Variants in LSAMP observed in about 807,000 individuals in gnomAD.
The protein encoded by LSAMP is limbic system-associated membrane protein.
LSAMP carries 7 observed loss-of-function variants against 38.6 expected under a neutral mutation model. The observed-to-expected ratio is 0.18, with a 90% CI of 0.10 to 0.34. LSAMP has a LOEUF of 0.34. Among genes scored for constraint, LSAMP ranks in the 10% least tolerant of loss-of-function variants. LSAMP has a pLI of 1.00. For synonymous variants in LSAMP, 154 were observed against 166.8 expected, an observed-to-expected ratio of 0.92 and a Z score of 0.59; for missense variants, 313 against 420.0, an observed-to-expected ratio of 0.75 and a Z score of 2.23.
At chr3:116,416,090 A>G (rs2049046261) in intron 1 of LSAMP, among the ~76,000 whole-genome samples, 1 of 152,180 alleles carries the variant, frequency 6.6e-6, no homozygotes, top group Middle Eastern at 3.2e-3. Flanking sequence ...ATTTCCATAG[A>G]TGAAAACTTT....
intron 1 of LSAMP, among the ~76,000 whole-genome samples, chr3:116,209,008 G>T (rs146749090): frequency 6.6e-6 from 1 of 152,142 alleles, no homozygotes; most frequent in East Asian, 1.9e-4. Flanking sequence ...CCTCGCTGCC[G>T]CCTTGCAGTT....
At chr3:116,299,032 A>T (rs2047372113) in intron 1 of LSAMP, among the ~76,000 whole-genome samples, 1 of 152,262 alleles carries the variant, frequency 6.6e-6, no homozygotes, top group African/African-American at 2.4e-5. Flanking sequence ...AGCAGAAATG[A>T]TAGAGTAACA....
intron 3 of LSAMP, among the ~76,000 whole-genome samples, chr3:115,862,471 G>A (rs570897335): frequency 6.6e-4 from 100 of 152,268 alleles, no homozygotes; most frequent in African/African-American, 2.4e-3. Flanking sequence ...ACCTCATATA[G>A]GTTCACCCTA....
At chr3:116,236,658 AATT>A (rs2046468638) in intron 1 of LSAMP, among the ~76,000 whole-genome samples, 1 of 152,132 alleles carries the variant, frequency 6.6e-6, no homozygotes, top group Admixed American at 6.5e-5. Flanking sequence ...CAATTGAGCC[AATT>A]ATTGTACACT....
At chr3:116,069,313 G>C (rs1293371374) in intron 2 of LSAMP, among the ~76,000 whole-genome samples, 6 of 152,122 alleles carry the variant, frequency 3.9e-5, no homozygotes, top group Non-Finnish European at 7.3e-5. Context: ...TTCACAATTT[G>C]GGGGAAGACT....
intron 1 of LSAMP, among the ~76,000 whole-genome samples, chr3:116,167,473 G>C (rs1710088145): frequency 6.6e-6 from 1 of 152,168 alleles, no homozygotes; most frequent in South Asian, 2.1e-4. Context: ...AAATGAGAAA[G>C]GATACAGGAT....
chr3:116,072,770 T>G (rs1284123066), intron 2 of LSAMP, among the ~76,000 whole-genome samples: 1 of 148,480 alleles, frequency 6.7e-6, no homozygotes, highest in East Asian at 2.0e-4. Flanking sequence ...TTTTTTTTTT[T>G]GTAAAATTAA....
intron 1 of LSAMP, among the ~76,000 whole-genome samples, chr3:116,106,795 G>C (rs981468935): frequency 6.6e-6 from 1 of 152,146 alleles, no homozygotes; most frequent in Non-Finnish European, 1.5e-5. Flanking sequence ...AGGTATTTTA[G>C]TTTTTGTTAC....
chr3:115,967,188 G>T (rs771028279), intron 3 of LSAMP, among the ~76,000 whole-genome samples: 5 of 152,130 alleles, frequency 3.3e-5, no homozygotes, highest in Non-Finnish European at 5.9e-5. Context: ...TGAATGCTTT[G>T]CTGCTTAGAA....
chr3:116,095,232 C>T (rs75574968), intron 1 of LSAMP, among the ~76,000 whole-genome samples: 1 of 152,176 alleles, frequency 6.6e-6, no homozygotes, highest in Non-Finnish European at 1.5e-5. Context: ...CCACTTATTA[C>T]AATGATCATC....
chr3:115,945,754 A>G (rs1217183121), intron 3 of LSAMP, among the ~76,000 whole-genome samples: 1 of 152,188 alleles, frequency 6.6e-6, no homozygotes, highest in Non-Finnish European at 1.5e-5. Context: ...TTTAAAAAGA[A>G]GTTTCAATCT....
intron 1 of LSAMP, among the ~76,000 whole-genome samples, chr3:116,241,208 A>G (rs1490648033): frequency 7.0e-6 from 1 of 143,164 alleles, no homozygotes; most frequent in African/African-American, 2.6e-5. Flanking sequence ...AGATATTCCC[A>G]TTTTTTTTTT....
At chr3:116,242,649 C>T (rs1294485356) in intron 1 of LSAMP, among the ~76,000 whole-genome samples, 2 of 151,898 alleles carry the variant, frequency 1.3e-5, no homozygotes, top group Non-Finnish European at 2.9e-5. Context: ...TCTCTTCCTG[C>T]TTTTTCGTTC....
chr3:116,123,415 A>G (rs937228472), intron 1 of LSAMP, among the ~76,000 whole-genome samples: 5 of 152,256 alleles, frequency 3.3e-5, no homozygotes, highest in Non-Finnish European at 7.3e-5. Flanking sequence ...AAAAATGGCA[A>G]CAAAAGTCTA....
chr3:116,200,020 G>A (rs1012059989), intron 1 of LSAMP, among the ~76,000 whole-genome samples: 1 of 151,858 alleles, frequency 6.6e-6, no homozygotes, highest in Non-Finnish European at 1.5e-5. Context: ...TGGGAATGAA[G>A]GCTATGGTAA....
At chr3:116,444,185 T>A (rs1194729607) in intron 1 of LSAMP, among the ~76,000 whole-genome samples, 2 of 152,158 alleles carry the variant, frequency 1.3e-5, no homozygotes, top group Non-Finnish European at 2.9e-5. Context: ...TTTGGCAAAT[T>A]CCTTTTCTTT....
At chr3:116,323,494 G>GCT (rs1057334986) in intron 1 of LSAMP, among the ~76,000 whole-genome samples, 1 of 152,002 alleles carries the variant, frequency 6.6e-6, no homozygotes, top group Non-Finnish European at 1.5e-5. Context: ...TTTTTAATTG[G>GCT]CTGTACCCTA....
chr3:115,843,424 T>C (rs746588251), intron 4 of LSAMP, among the ~76,000 whole-genome samples: 30 of 152,244 alleles, frequency 2.0e-4, no homozygotes, highest in Non-Finnish European at 4.1e-4. Context: ...TTGTTAGGAT[T>C]ATAGACTCAA....
intron 1 of LSAMP, among the ~76,000 whole-genome samples, chr3:116,273,417 A>G (rs2046999940): frequency 1.3e-5 from 2 of 151,852 alleles, no homozygotes; most frequent in South Asian, 4.2e-4. Context: ...AGAGATCATA[A>G]TTACACATCA....
Sources: gnomAD v4.1 joint callset for allele counts (sites outside exome capture counted in the v4.1 genomes callset) on GRCh38, gnomAD v4.1.1 for gene constraint, MANE v1.5 for transcripts, NCBI Gene and HGNC (gene_info 2026-07-23, HGNC 2026-07-21) for gene names.